Variants in KCNQ1 observed in about 807,000 individuals in gnomAD.
KCNQ1 encodes potassium voltage-gated channel subfamily KQT member 1.
KCNQ1 carries 49 observed loss-of-function variants against 72.4 expected under a neutral mutation model. The ratio of observed to expected loss-of-function variants is 0.68; its 90% CI spans 0.54 to 0.86. KCNQ1 has a LOEUF of 0.86. KCNQ1 is among the 40% of genes least tolerant of loss of function. The probability of loss-of-function intolerance (pLI) is 0.00; values close to 1 mark genes in which losing one functional copy is unlikely to be tolerated. For missense variants in KCNQ1, 790 were observed against 945.1 expected, an observed-to-expected ratio of 0.84 and a Z score of 2.15; for synonymous variants, 450 against 412.6, an observed-to-expected ratio of 1.09 and a Z score of -1.10.
At chr11:2,717,711 G>A (rs931900107) in intron 11 of KCNQ1, among the ~76,000 whole-genome samples, 6 of 152,196 alleles carry the variant, frequency 3.9e-5, no homozygotes, top group East Asian at 1.9e-4. Flanking sequence ...GAGCAGAAAC[G>A]GAAAGACAGA....
chr11:2,566,279 A>T lies in KCNQ1; in HGVS notation c.478-4349A>T, dbSNP rs1848246222. Among the ~76,000 whole-genome samples the T allele has an allele frequency of 6.6e-6, 1 of 152,160 alleles. No homozygotes were observed. The highest frequency in any genetic ancestry group is 1.5e-5 in the Non-Finnish European group (1 of 68,026). On this transcript the variant is annotated intron_variant, in intron 2 of 15. Transcript: ENST00000155840. This position sits in a 1 kb window ranked among gnomAD's most constrained non-coding sequence, Gnocchi z 6.7. Reference sequence around the variant, plus strand: ...CAGGGCCACTTCCAGAACCACCACCATGCCCAGGTCATGTCTGTGCATGAG... The same window carrying T: ...CAGGGCCACTTCCAGAACCACCACCTTGCCCAGGTCATGTCTGTGCATGAG...
intron 11 of KCNQ1, among the ~76,000 whole-genome samples, chr11:2,714,536 A>G (rs1214632307): frequency 6.6e-6 from 1 of 151,968 alleles, no homozygotes; most frequent in Non-Finnish European, 1.5e-5. Flanking sequence ...TAGGTGCTCT[A>G]GATAGATGGA....
rs1418696008 is a variant in KCNQ1 at position 2,549,227 on chromosome 11, G to A, written c.477+21209G>A. Among the ~76,000 whole-genome samples the A allele has an allele frequency of 6.6e-6, 1 of 152,198 alleles. No individual in the cohort carries two copies. The highest frequency in any genetic ancestry group is 1.5e-5 in the Non-Finnish European group (1 of 68,026). On this transcript the variant is annotated intron_variant, in intron 2 of 15. Transcript: ENST00000155840. This position sits in a 1 kb window ranked among gnomAD's most constrained non-coding sequence, Gnocchi z 6.2. ...TGCTAGTGGCCATCAGCAGGCTACAGCATCCAGCCAGTGCCACCAGGAGCC... is the reference window on the plus strand; with the variant it reads ...TGCTAGTGGCCATCAGCAGGCTACAACATCCAGCCAGTGCCACCAGGAGCC...
Position 2,682,110 on chromosome 11 carries a change from G to A in KCNQ1, c.1514+20029G>A, listed in dbSNP as rs1850408640. 5.0e-6 allele frequency: 2 copies of A among 398,438 alleles called. No homozygotes were observed. The highest frequency in any genetic ancestry group is 8.8e-6 in the Non-Finnish European group (2 of 226,080). 24.7% of individuals were successfully genotyped at this position (398,438 alleles called of 1,614,324 possible). ...CAGGGTCACAAAGCTAGGGAGCCGT[G>A]GATCTGCAGGAGATGTCCCAGCTCA... is the stretch of plus-strand genomic sequence containing the variant. On this transcript the variant is annotated intron_variant, in intron 11 of 15. Transcript: ENST00000155840. The surrounding 1 kb of genome is among the most constrained non-coding windows in gnomAD (Gnocchi z 5.8).
rs547223427 is a variant in KCNQ1 at position 2,659,253 on chromosome 11, T to C, written c.1394-2708T>C. The C allele has an allele frequency of 3.3e-5, 13 of 398,664 alleles. No homozygotes were observed. In the South Asian group the frequency reaches 1.5e-3, roughly 47 times the overall value. 24.7% of individuals were successfully genotyped at this position (398,664 alleles called of 1,614,324 possible). The stretch of plus-strand genomic sequence containing the variant: ...TAAAAATACCCTGGGGTGAGTCTTT[T>C]GAAGTCAAGTACTTCTCCCCTAACC... On this transcript the variant is annotated intron_variant, in intron 10 of 15. Transcript: ENST00000155840. This position sits in a 1 kb window ranked among gnomAD's most constrained non-coding sequence, Gnocchi z 4.3.
Position 2,626,475 on chromosome 11 carries a change from T to TAGAG in KCNQ1, c.1394-35485_1394-35484insGAGA. 1 of 398,668 alleles carries TAGAG rather than the reference T, an allele frequency of 2.5e-6. No individual in the cohort carries two copies. Among genetic ancestry groups the TAGAG allele is most frequent in the East Asian group, 3.6e-5 (1 of 28,078 alleles). 24.7% of individuals were successfully genotyped at this position (398,668 alleles called of 1,614,324 possible). A position where few individuals can be genotyped will look rare whatever the true frequency, so the allele number is the denominator to read the frequency against. ...CTCTCTATTCAATTCCATTGGTCTC[T>TAGAG]ACATCTTTATGTCAATACCACATAG... is the stretch of plus-strand genomic sequence containing the variant. On this transcript the variant is annotated intron_variant, in intron 10 of 15. Coordinates refer to ENST00000155840, the MANE Select transcript of KCNQ1 (RefSeq NM_000218.3). This position sits in a 1 kb window ranked among gnomAD's most constrained non-coding sequence, Gnocchi z 4.0.
chr11:2,791,365 AC>A (rs1447565664), intron 15 of KCNQ1, among the ~76,000 whole-genome samples: 1 of 151,744 alleles, frequency 6.6e-6, no homozygotes, highest in East Asian at 1.9e-4. Flanking sequence ...TGTGCGGCAA[AC>A]CCTGCCTGGC....
chr11:2,514,805 G>A (rs1400426118), intron 1 of KCNQ1, among the ~76,000 whole-genome samples: 2 of 152,194 alleles, frequency 1.3e-5, no homozygotes, highest in African/African-American at 4.8e-5. Context: ...CAGCCTGGGC[G>A]ACAGAGCCAG....
chr11:2,555,290 G>A (rs1049266668), intron 2 of KCNQ1, among the ~76,000 whole-genome samples: 3 of 152,074 alleles, frequency 2.0e-5, no homozygotes, highest in South Asian at 2.1e-4. Context: ...AATGTCCCCC[G>A]CTCCACCCCC....
chr11:2,633,955 G>C (rs1849406529), intron 10 of KCNQ1: 1 of 398,318 alleles, frequency 2.5e-6, no homozygotes, highest in South Asian at 1.3e-4. Context: ...ACGTATAAAT[G>C]AACCTATACA....
Position 2,772,379 on chromosome 11 carries a change from C to A in KCNQ1, c.1590+3460C>A, listed in dbSNP as rs796373534. ...CTCCACCCTTCAAGTGTGCCTTGAA[C>A]TCCCTGTCCACCATCAGTCAGTCTG... On this transcript the variant is annotated intron_variant, in intron 12 of 15. Coordinates refer to ENST00000155840, the MANE Select transcript of KCNQ1 (RefSeq NM_000218.3). The surrounding 1 kb of genome is among the most constrained non-coding windows in gnomAD (Gnocchi z 6.6). Among the ~76,000 whole-genome samples the A allele has an allele frequency of 6.6e-6, 1 of 152,154 alleles. No individual in the cohort carries two copies.
At chr11:2,716,186 G>A (rs1308462717) in intron 11 of KCNQ1, among the ~76,000 whole-genome samples, 3 of 152,158 alleles carry the variant, frequency 2.0e-5, no homozygotes, top group African/African-American at 7.2e-5. Context: ...TTTTGGAGGG[G>A]TCGTGAATAA....
At position 2,640,063 on chromosome 11, in the gene KCNQ1, G is replaced by A. The variant is rs147975282; in HGVS notation, c.1394-21898G>A. The A allele has an allele frequency of 9.0e-3, 1,831 of 203,848 alleles. 27 individuals are homozygous for A. Among genetic ancestry groups the A allele is most frequent in the African/African-American group, 0.039 (1,708 of 43,558 alleles). 12.6% of individuals were successfully genotyped at this position (203,848 alleles called of 1,614,324 possible). A position where few individuals can be genotyped will look rare whatever the true frequency, so the allele number is the denominator to read the frequency against. The stretch of plus-strand genomic sequence containing the variant: ...TTGCTAAGACCATTGGAAAAGCACA[G>A]TATTAGGGTGGGAGTGATCCAGTTT... On this transcript the variant is annotated intron_variant, in intron 10 of 15. Transcript: ENST00000155840.
At chr11:2,568,825 C>A (rs1410879180) in intron 2 of KCNQ1, among the ~76,000 whole-genome samples, 3 of 152,154 alleles carry the variant, frequency 2.0e-5, no homozygotes, top group Non-Finnish European at 4.4e-5. Flanking sequence ...ACACCCCCCC[C>A]ATGAGGCCAC....
Position 2,671,617 on chromosome 11 carries a change from C to T in KCNQ1, c.1514+9536C>T, listed in dbSNP as rs185000272. 1 of 398,618 alleles carries T rather than the reference C, an allele frequency of 2.5e-6. No homozygotes were observed. Among genetic ancestry groups the T allele is most frequent in the East Asian group, 3.6e-5 (1 of 28,084 alleles). The allele number at this position is 398,618 out of a possible 1,614,324, so 24.7% of individuals were successfully genotyped here. A position where few individuals can be genotyped will look rare whatever the true frequency, so the allele number is the denominator to read the frequency against. On this transcript the variant is annotated intron_variant, in intron 11 of 15. Transcript: ENST00000155840. The surrounding 1 kb of genome is among the most constrained non-coding windows in gnomAD (Gnocchi z 4.7). Reference sequence around the variant, plus strand: ...ACTGCACTGCACCCTAAGTATAAACCTTGCCACAGCAGTGTCCTGTGGTGC... The same window carrying T: ...ACTGCACTGCACCCTAAGTATAAACTTTGCCACAGCAGTGTCCTGTGGTGC...
chr11:2,456,300 A>G lies in KCNQ1; in HGVS notation c.386+10816A>G, dbSNP rs370889871. 6.1e-3 allele frequency among the ~76,000 whole-genome samples: 923 copies of G among 152,186 alleles called. 8 individuals carry two copies. Among genetic ancestry groups the G allele is most frequent in the African/African-American group, 0.021 (862 of 41,498 alleles). ...TGACAAGAGCAAAACTCTATCTCAA[A>G]ACAAAAAAAAAAAAATTAAAAAAGA... On this transcript the variant is annotated intron_variant, in intron 1 of 15. Coordinates refer to ENST00000155840, the MANE Select transcript of KCNQ1 (RefSeq NM_000218.3).
At chr11:2,487,673 G>T (rs960131166) in intron 1 of KCNQ1, among the ~76,000 whole-genome samples, 2 of 151,948 alleles carry the variant, frequency 1.3e-5, no homozygotes, top group Non-Finnish European at 2.9e-5. Flanking sequence ...ATTGTTCATT[G>T]TTAGCATATA....
In KCNQ1 at chr11:2,603,029, G is replaced by A. The variant is rs1367628437; in HGVS notation, c.1393+14175G>A. Among the ~76,000 whole-genome samples, 3 of 152,162 alleles carry A rather than the reference G, an allele frequency of 2.0e-5. No individual in the cohort carries two copies. The highest frequency in any genetic ancestry group is 7.2e-5 in the African/African-American group (3 of 41,434). ...GCTATAGCTTTTTTCTAACAGCCTT[G>A]TGGAGATATAGTTTACATACCATAC... is the stretch of plus-strand genomic sequence containing the variant. On this transcript the variant is annotated intron_variant, in intron 10 of 15. Transcript: ENST00000155840. The surrounding 1 kb of genome is among the most constrained non-coding windows in gnomAD (Gnocchi z 4.1).
In KCNQ1 at chr11:2,679,000, C is replaced by T. The variant is rs79223282; in HGVS notation, c.1514+16919C>T. On this transcript the variant is annotated intron_variant, in intron 11 of 15. Transcript: ENST00000155840. This position sits in a 1 kb window ranked among gnomAD's most constrained non-coding sequence, Gnocchi z 4.9. ...CCTAATTCAAGAATTTTTAAAAACC[C>T]GCAATAAGAAACATAATCTAAAACT... The T allele has an allele frequency of 3.2e-3, 1,290 of 398,504 alleles. 18 individuals are homozygous for T. Among genetic ancestry groups the T allele is most frequent in the African/African-American group, 0.024 (1,148 of 48,692 alleles). 24.7% of individuals were successfully genotyped at this position (398,504 alleles called of 1,614,324 possible).
Sources: allele counts gnomAD v4.1 joint callset (sites outside exome capture counted in the v4.1 genomes callset), GRCh38; gene constraint gnomAD v4.1.1; non-coding constraint Gnocchi (gnomAD v3.1); transcripts MANE v1.5; gene names NCBI Gene and HGNC (gene_info 2026-07-23, HGNC 2026-07-21).